The following MCTP1 variants were observed in gnomAD, a reference collection of about 807,000 sequenced individuals.
MCTP1 encodes multiple C2 and transmembrane domain containing 1.
MCTP1 carries 69 observed loss-of-function variants against 120.6 expected under a neutral mutation model. That is an observed-to-expected ratio of 0.57 (90% CI 0.47 to 0.70). The LOEUF (loss-of-function observed/expected upper bound fraction) is 0.70. MCTP1 is among the 30% of genes least tolerant of loss of function. The pLI is 0.00. For missense variants in MCTP1, 1,203 were observed against 1,248.8 expected, an observed-to-expected ratio of 0.96 and a Z score of 0.55; for synonymous variants, 529 against 493.1, an observed-to-expected ratio of 1.07 and a Z score of -0.96.
At chr5:94,981,080 C>T (rs1355306424) in intron 2 of MCTP1, among the ~76,000 whole-genome samples, 1 of 152,114 alleles carries the variant, frequency 6.6e-6, no homozygotes, top group Non-Finnish European at 1.5e-5. Flanking sequence ...TGCAATTATC[C>T]TGCTAAAGCA....
At chr5:95,091,335 C>A (rs1454946695) in intron 1 of MCTP1, among the ~76,000 whole-genome samples, 1 of 152,146 alleles carries the variant, frequency 6.6e-6, no homozygotes, top group African/African-American at 2.4e-5. Context: ...CTGCAATTAC[C>A]CTTTGTGGCA....
At chr5:94,995,078 T>A (rs1229571311) in intron 2 of MCTP1, among the ~76,000 whole-genome samples, 2 of 152,212 alleles carry the variant, frequency 1.3e-5, no homozygotes, top group East Asian at 3.8e-4. Flanking sequence ...CTTCACCTTG[T>A]GATTGTGTGA....
intron 19 of MCTP1, among the ~76,000 whole-genome samples, chr5:94,746,441 T>C (rs940588138): frequency 6.6e-6 from 1 of 152,236 alleles, no homozygotes; most frequent in African/African-American, 2.4e-5. Context: ...TTGAGATATA[T>C]GTAAAATGAT....
chr5:95,006,150 C>T (rs1581798358), intron 2 of MCTP1, among the ~76,000 whole-genome samples: 1 of 152,098 alleles, frequency 6.6e-6, no homozygotes, highest in East Asian at 1.9e-4. Flanking sequence ...TATTCTTTTT[C>T]TCATCAATGT....
intron 1 of MCTP1, among the ~76,000 whole-genome samples, chr5:95,104,280 G>A (rs1756945538): frequency 6.6e-6 from 1 of 152,198 alleles, no homozygotes; most frequent in Admixed American, 6.5e-5. Flanking sequence ...ATACAGCTCA[G>A]CAATAATCTA....
At chr5:95,100,370 G>A (rs1052961764) in intron 1 of MCTP1, among the ~76,000 whole-genome samples, 2 of 152,152 alleles carry the variant, frequency 1.3e-5, no homozygotes, top group Admixed American at 1.3e-4. Flanking sequence ...TACTTTTTCA[G>A]CCCATCTGAG....
At chr5:94,920,075 A>C (rs1261488205) in intron 7 of MCTP1, among the ~76,000 whole-genome samples, 1 of 152,222 alleles carries the variant, frequency 6.6e-6, no homozygotes, top group Non-Finnish European at 1.5e-5. Flanking sequence ...TTTACTTAAG[A>C]TGTTTTAACT....
chr5:95,026,568 C>T (rs1036369707), intron 1 of MCTP1, among the ~76,000 whole-genome samples: 3 of 152,058 alleles, frequency 2.0e-5, no homozygotes, highest in East Asian at 1.9e-4. Flanking sequence ...CGGCTTATTT[C>T]GCTTAACAAA....
intron 1 of MCTP1, among the ~76,000 whole-genome samples, chr5:95,060,614 A>T (rs1406896643): frequency 6.6e-6 from 1 of 152,244 alleles, no homozygotes; most frequent in African/African-American, 2.4e-5. Flanking sequence ...TTGCTAGTTT[A>T]TGAGTCTATC....
intron 12 of MCTP1, among the ~76,000 whole-genome samples, chr5:94,881,694 C>T (rs2153364175): frequency 1.3e-5 from 2 of 151,984 alleles, no homozygotes; most frequent in South Asian, 4.2e-4. Context: ...AACAATAGTC[C>T]CTAATAAGGT....
intron 1 of MCTP1, among the ~76,000 whole-genome samples, chr5:95,114,353 G>A (rs555527149): frequency 6.6e-6 from 1 of 152,224 alleles, no homozygotes; most frequent in Non-Finnish European, 1.5e-5. Context: ...GGCTATTGGG[G>A]TCACCAATTA....
chr5:94,836,931 G>C (rs1432006116), intron 17 of MCTP1, among the ~76,000 whole-genome samples: 1 of 152,168 alleles, frequency 6.6e-6, no homozygotes, highest in Non-Finnish European at 1.5e-5. Context: ...GCCAATCTTA[G>C]AGTGTTGTTT....
intron 1 of MCTP1, among the ~76,000 whole-genome samples, chr5:95,190,265 A>T (rs946668502): frequency 2.6e-5 from 4 of 152,136 alleles, no homozygotes; most frequent in African/African-American, 4.8e-5. Flanking sequence ...ATATCCAACT[A>T]GCCTGCAGAG....
intron 1 of MCTP1, among the ~76,000 whole-genome samples, chr5:95,206,019 C>T (rs1208554627): frequency 6.6e-6 from 1 of 152,130 alleles, no homozygotes; most frequent in African/African-American, 2.4e-5. Context: ...TATGATCTAG[C>T]AATTCCACTC....
chr5:95,141,147 A>C (rs551189948), intron 1 of MCTP1, among the ~76,000 whole-genome samples: 1 of 152,174 alleles, frequency 6.6e-6, no homozygotes, highest in Non-Finnish European at 1.5e-5. Context: ...ACTTCAGCTT[A>C]CTCAGGCTTA....
chr5:94,848,003 C>A (rs1439745008), intron 17 of MCTP1, among the ~76,000 whole-genome samples: 5 of 151,984 alleles, frequency 3.3e-5, no homozygotes, highest in African/African-American at 1.2e-4. Flanking sequence ...GCTTGGTATC[C>A]TCCTAAGCCT....
chr5:95,114,525 G>A (rs1237306141), intron 1 of MCTP1, among the ~76,000 whole-genome samples: 1 of 152,214 alleles, frequency 6.6e-6, no homozygotes, highest in Non-Finnish European at 1.5e-5. Flanking sequence ...AATACTCCAT[G>A]TGGGCCTGTG....
At position 94,706,525 on chromosome 5, in the gene MCTP1, T is replaced by C; in HGVS notation, c.*971A>G. On this transcript the variant is annotated 3_prime_UTR_variant, in exon 23 of 23. Transcript: ENST00000515393. ...TTCTCTACATTAAAATTCACACTAA[T>C]AACAAAATCATAGTATGAATTAAAG... 6.6e-6 allele frequency: 1 copy of C among 150,728 alleles called. No homozygotes were observed. Among genetic ancestry groups the C allele is most frequent in the Middle Eastern group, 3.4e-3 (1 of 292 alleles). 9.3% of individuals were successfully genotyped at this position (150,728 alleles called of 1,614,324 possible).
rs1814788261 is a variant in MCTP1, at chr5:94,931,942, C to A, written c.1212+11G>T. On this transcript the variant is annotated intron_variant, in intron 6 of 22. Transcript: ENST00000515393. ...ACAAGAAAAGCTGAAAGATCACAAG[C>A]TAAGAATTACCTTACTTGATCTTTT... The A allele has an allele frequency of 4.4e-6, 7 of 1,597,042 alleles. No homozygotes were observed. Among genetic ancestry groups the A allele is most frequent in the Non-Finnish European group, 6.0e-6 (7 of 1,167,552 alleles).
Sources: allele counts gnomAD v4.1 joint callset (sites outside exome capture counted in the v4.1 genomes callset), GRCh38; gene constraint gnomAD v4.1.1; transcripts MANE v1.5; gene names NCBI Gene and HGNC (gene_info 2026-07-23, HGNC 2026-07-21).